Variants in CSMD1 observed in about 807,000 individuals in gnomAD.
CSMD1 encodes the protein CUB and Sushi multiple domains 1, also known as CUB and sushi domain-containing protein 1.
A neutral mutation model predicts 417.5 loss-of-function variants in CSMD1; 213 were observed. The ratio of observed to expected loss-of-function variants is 0.51; its 90% confidence interval spans 0.46 to 0.57. CSMD1 has a LOEUF of 0.57. CSMD1 is among the 20% of genes least tolerant of loss of function. The probability of loss-of-function intolerance (pLI) is 0.00; values close to 1 mark genes in which losing one functional copy is unlikely to be tolerated. For missense variants in CSMD1, 6,923 were observed against 4,529.7 expected (o/e 1.53, Z -15.17); for synonymous variants, 2,862 against 1,736.8 (o/e 1.65, Z -16.11).
chr8:3,752,206 G>A (rs746563155), intron 6 of CSMD1, among the ~76,000 whole-genome samples: 10 of 152,024 alleles, frequency 6.6e-5, no homozygotes, highest in African/African-American at 1.2e-4. Flanking sequence ...AAGGAGGATC[G>A]GCCTGGCCTG....
At chr8:4,269,384 T>A (rs1804428529) in intron 3 of CSMD1, among the ~76,000 whole-genome samples, 1 of 152,200 alleles carries the variant, frequency 6.6e-6, no homozygotes, top group Admixed American at 6.5e-5. Flanking sequence ...ATCTTCATTG[T>A]GCTTTGAACC....
At chr8:3,440,276 A>G (rs1469540877) in intron 12 of CSMD1, among the ~76,000 whole-genome samples, 1 of 152,202 alleles carries the variant, frequency 6.6e-6, no homozygotes, top group Non-Finnish European at 1.5e-5. Flanking sequence ...GTCCCAATAC[A>G]TGAACATACT....
chr8:3,314,087 A>C (rs1219553887), intron 23 of CSMD1, among the ~76,000 whole-genome samples: 1 of 150,860 alleles, frequency 6.6e-6, no homozygotes, highest in African/African-American at 2.4e-5. Context: ...ACATGGACAC[A>C]GGAAGGGGAA....
intron 3 of CSMD1, among the ~76,000 whole-genome samples, chr8:4,258,326 AAGAG>A (rs111516220): frequency 2.3e-5 from 2 of 87,872 alleles, no homozygotes; most frequent in African/African-American, 1.0e-4. Context: ...GAGAGGGAGA[AAGAG>A]AGGGAGGGAG....
intron 26 of CSMD1, among the ~76,000 whole-genome samples, chr8:3,254,309 T>G (rs573762513): frequency 6.6e-6 from 1 of 152,284 alleles, no homozygotes; most frequent in Non-Finnish European, 1.5e-5. Context: ...CCCTTAACAT[T>G]TTTTCCTTCA....
intron 3 of CSMD1, among the ~76,000 whole-genome samples, chr8:4,386,831 G>A (rs762342561): frequency 1.6e-4 from 24 of 152,270 alleles, no homozygotes; most frequent in Non-Finnish European, 2.6e-4. Context: ...AATGTAAAGC[G>A]GAAATAAGAC....
intron 5 of CSMD1, among the ~76,000 whole-genome samples, chr8:3,989,229 G>C (rs1244523219): frequency 6.6e-6 from 1 of 152,204 alleles, no homozygotes; most frequent in African/African-American, 2.4e-5. Flanking sequence ...TTTACAGACA[G>C]TGATCTGGGA....
chr8:3,539,161 C>G (rs555983736), intron 10 of CSMD1, among the ~76,000 whole-genome samples: 1 of 152,156 alleles, frequency 6.6e-6, no homozygotes, highest in Admixed American at 6.5e-5. Flanking sequence ...CCAAGATGTT[C>G]TGGCCGCAGG....
intron 25 of CSMD1, among the ~76,000 whole-genome samples, chr8:3,296,114 G>C (rs185722423): frequency 2.6e-5 from 4 of 152,124 alleles, no homozygotes; most frequent in East Asian, 3.9e-4. Flanking sequence ...AAATAAAAAA[G>C]TAGACAGGAA....
chr8:4,520,667 C>G (rs1385643701), intron 2 of CSMD1, among the ~76,000 whole-genome samples: 1 of 152,154 alleles, frequency 6.6e-6, no homozygotes, highest in Admixed American at 6.5e-5. Context: ...ACGCCATGAA[C>G]AGACTTGTTC....
intron 3 of CSMD1, among the ~76,000 whole-genome samples, chr8:4,230,231 G>C (rs1239303057): frequency 2.0e-5 from 3 of 152,082 alleles, no homozygotes; most frequent in Non-Finnish European, 4.4e-5. Context: ...ATAAATGTTT[G>C]TGTTGCTCTA....
intron 3 of CSMD1, among the ~76,000 whole-genome samples, chr8:4,252,240 C>A (rs1225960504): frequency 1.3e-5 from 2 of 152,130 alleles, no homozygotes; most frequent in African/African-American, 4.8e-5. Flanking sequence ...TTTTCCTTTC[C>A]GTTCCTGGCT....
At chr8:4,502,638 A>C (rs1370127422) in intron 2 of CSMD1, among the ~76,000 whole-genome samples, 1 of 152,152 alleles carries the variant, frequency 6.6e-6, no homozygotes, top group Non-Finnish European at 1.5e-5. Flanking sequence ...TCTCGCATTT[A>C]CTTTTATTAA....
At chr8:4,974,183 A>AC (rs1810412138) in intron 1 of CSMD1, among the ~76,000 whole-genome samples, 1 of 145,578 alleles carries the variant, frequency 6.9e-6, no homozygotes, top group Admixed American at 6.9e-5. Flanking sequence ...CACCCAGCTA[A>AC]TTTTTTTTTT....
chr8:3,111,510 C>G (rs73657577), intron 42 of CSMD1, among the ~76,000 whole-genome samples: 8,559 of 152,098 alleles, frequency 0.056, 650 homozygotes, highest in African/African-American at 0.17. Context: ...TCAGGGTCTG[C>G]GATACTCCTG....
At chr8:4,161,695 T>C (rs1584935315) in intron 3 of CSMD1, among the ~76,000 whole-genome samples, 1 of 152,128 alleles carries the variant, frequency 6.6e-6, no homozygotes, top group East Asian at 1.9e-4. Flanking sequence ...AGCAGAAAAA[T>C]CTGCCACGAA....
chr8:4,457,786 G>C (rs1012701264), intron 2 of CSMD1, among the ~76,000 whole-genome samples: 6 of 152,128 alleles, frequency 3.9e-5, no homozygotes, highest in African/African-American at 1.4e-4. Flanking sequence ...CTTCTCCCAA[G>C]TCCCTCTTAG....
chr8:4,607,233 G>C (rs541874558), intron 2 of CSMD1, among the ~76,000 whole-genome samples: 125 of 152,084 alleles, frequency 8.2e-4, no homozygotes, highest in Non-Finnish European at 1.6e-3. Flanking sequence ...AAATAAACAG[G>C]TAATTATAAG....
At chr8:3,881,093 C>T (rs1326479329) in intron 5 of CSMD1, among the ~76,000 whole-genome samples, 2 of 152,094 alleles carry the variant, frequency 1.3e-5, no homozygotes, top group Admixed American at 6.6e-5. Flanking sequence ...TGCACGAAAT[C>T]TGAAATATTA....
Sources: allele counts gnomAD v4.1 joint callset (sites outside exome capture counted in the v4.1 genomes callset), GRCh38; gene constraint gnomAD v4.1.1; transcripts MANE v1.5; gene names NCBI Gene and HGNC (gene_info 2026-07-23, HGNC 2026-07-21).